The following DSCAM variants were observed in gnomAD, a reference collection of about 807,000 sequenced individuals.
The protein encoded by DSCAM is cell adhesion molecule DSCAM.
Under a neutral mutation model 217.7 loss-of-function variants are expected in DSCAM, and 47 were observed. The observed-to-expected ratio is 0.22, with a 90% CI of 0.17 to 0.28. The LOEUF (loss-of-function observed/expected upper bound fraction) is 0.28, where lower values mean the gene tolerates loss of function less well. Ranked by LOEUF, DSCAM falls within the 10% of genes least tolerant of loss-of-function variation. The pLI, the probability that DSCAM is intolerant of heterozygous loss-of-function variation, is 1.00. For missense variants in DSCAM, 2,080 were observed against 2,618.3 expected (o/e 0.79, Z 4.49); for synonymous variants, 1,056 against 1,015.3 (o/e 1.04, Z -0.76).
chr21:40,023,486 CA>C (rs1195184201), intron 32 of DSCAM, among the ~76,000 whole-genome samples: 2 of 147,920 alleles, frequency 1.4e-5, no homozygotes, highest in East Asian at 4.0e-4. Context: ...GTCCCACCAA[CA>C]GTGTAAAAGT....
At chr21:40,737,797 T>A (rs773637750) in intron 1 of DSCAM, among the ~76,000 whole-genome samples, 2 of 152,184 alleles carry the variant, frequency 1.3e-5, no homozygotes, top group Non-Finnish European at 2.9e-5. Context: ...ACATCCAGCA[T>A]CCAGCTGACC....
At chr21:40,641,893 C>G (rs945768366) in intron 3 of DSCAM, among the ~76,000 whole-genome samples, 11 of 151,868 alleles carry the variant, frequency 7.2e-5, no homozygotes, top group African/African-American at 2.7e-4. Flanking sequence ...ACTAAAAATA[C>G]AAAAATTAGC....
chr21:40,092,288 G>C (rs1004971458), intron 21 of DSCAM, among the ~76,000 whole-genome samples: 8 of 152,240 alleles, frequency 5.3e-5, no homozygotes, highest in African/African-American at 1.7e-4. Flanking sequence ...ATCACCATGT[G>C]GAACAGGCCA....
intron 3 of DSCAM, among the ~76,000 whole-genome samples, chr21:40,618,254 G>T (rs2089431100): frequency 6.6e-6 from 1 of 152,144 alleles, no homozygotes; most frequent in African/African-American, 2.4e-5. Flanking sequence ...AACGAAGAAG[G>T]AATAAATACA....
intron 11 of DSCAM, among the ~76,000 whole-genome samples, chr21:40,195,125 G>A (rs143913921): frequency 1.3e-5 from 2 of 152,166 alleles, no homozygotes; most frequent in South Asian, 2.1e-4. Flanking sequence ...GTCACTGTAC[G>A]TTTTGACAAG....
rs549934355 is a variant in DSCAM, at chr21:40,379,736, G to C, written c.509-10491C>G. Among the ~76,000 whole-genome samples the C allele has an allele frequency of 1.2e-4, 18 of 152,288 alleles. No individual in the cohort carries two copies. In the South Asian group the frequency reaches 3.1e-3, roughly 26 times the overall value. On this transcript the variant is annotated intron_variant, in intron 3 of 32. Transcript: ENST00000400454. ...CCTGCTGCCCCCAAAGGTTTGCACAGTGCTAAATTAAGTGACTGTTTAGAA... is the reference window on the plus strand; with the variant it reads ...CCTGCTGCCCCCAAAGGTTTGCACACTGCTAAATTAAGTGACTGTTTAGAA...
intron 3 of DSCAM, among the ~76,000 whole-genome samples, chr21:40,413,201 G>A (rs1385440182): frequency 6.6e-6 from 1 of 152,186 alleles, no homozygotes; most frequent in Non-Finnish European, 1.5e-5. Flanking sequence ...TGGGGTCAGA[G>A]TCCCCACACA....
intron 3 of DSCAM, among the ~76,000 whole-genome samples, chr21:40,420,931 G>A (rs1209044435): frequency 6.6e-6 from 1 of 152,154 alleles, no homozygotes; most frequent in Non-Finnish European, 1.5e-5. Context: ...GGGAGATGAT[G>A]CATTTCTTTC....
At chr21:40,206,333 G>A (rs976260829) in intron 11 of DSCAM, among the ~76,000 whole-genome samples, 5 of 152,200 alleles carry the variant, frequency 3.3e-5, no homozygotes, top group Non-Finnish European at 7.4e-5. Flanking sequence ...CAAGGAGGCA[G>A]CTCTGGGTAG....
chr21:40,811,938 T>C (rs1226639266), intron 1 of DSCAM, among the ~76,000 whole-genome samples: 1 of 152,214 alleles, frequency 6.6e-6, no homozygotes, highest in Non-Finnish European at 1.5e-5. Context: ...TCTCACTATG[T>C]TCTCCAATTG....
intron 30 of DSCAM, among the ~76,000 whole-genome samples, chr21:40,048,670 A>C (rs1287073066): frequency 6.6e-6 from 1 of 152,240 alleles, no homozygotes; most frequent in African/African-American, 2.4e-5. Context: ...CAGTCCTAAC[A>C]TACAAAATAG....
rs1464473256 is a variant in DSCAM, at chr21:40,339,162, G to A, written c.1464C>T (p.Asn488=). The change falls in exon 7 of 33, where the codon AAC becomes AAT. Residue 488 remains asparagine (N), a synonymous_variant. Coordinates refer to ENST00000400454, the MANE Select transcript of DSCAM (RefSeq NM_001389.5). ...CCTGGTACAGGACGACTCCCGCCGA[G>A]TTGTTGGCAGTGCAGCGGTAGACTC... ...DGGVYRCTAN[N]SAGVVLYQAR... 6.2e-7 allele frequency: 1 copy of A among 1,614,206 alleles called. No homozygotes were observed. Among genetic ancestry groups the A allele is most frequent in the East Asian group, 2.2e-5 (1 of 44,880 alleles).
intron 3 of DSCAM, among the ~76,000 whole-genome samples, chr21:40,533,398 G>A (rs1006781262): frequency 6.6e-6 from 1 of 150,750 alleles, no homozygotes; most frequent in African/African-American, 2.5e-5. Context: ...TATAAGCATT[G>A]TTAAAGGAAA....
chr21:40,827,483 A>AAAAAAAAAAAG (rs1569056712), intron 1 of DSCAM, among the ~76,000 whole-genome samples: 10 of 133,466 alleles, frequency 7.5e-5, no homozygotes, highest in African/African-American at 8.5e-5. Context: ...AAAAAAAAAA[A>AAAAAAAAAAAG]AAAGAAAAGA....
At chr21:40,636,084 C>T (rs1043177569) in intron 3 of DSCAM, among the ~76,000 whole-genome samples, 1 of 152,102 alleles carries the variant, frequency 6.6e-6, no homozygotes, top group Non-Finnish European at 1.5e-5. Context: ...CTGGGTAACT[C>T]GAGATAGATT....
At chr21:40,131,258 C>T (rs964520106) in intron 19 of DSCAM, among the ~76,000 whole-genome samples, 2 of 152,146 alleles carry the variant, frequency 1.3e-5, no homozygotes, top group East Asian at 3.9e-4. Flanking sequence ...AATAAAATAG[C>T]ATTTAATTCT....
chr21:40,784,125 T>C (rs932012494), intron 1 of DSCAM, among the ~76,000 whole-genome samples: 1 of 151,676 alleles, frequency 6.6e-6, no homozygotes, highest in Non-Finnish European at 1.5e-5. Context: ...TTAGAGAATA[T>C]ACAAAAACAT....
intron 18 of DSCAM, among the ~76,000 whole-genome samples, chr21:40,134,983 C>T (rs2090192182): frequency 1.3e-5 from 2 of 152,172 alleles, no homozygotes; most frequent in South Asian, 4.1e-4. Flanking sequence ...CAACTAATAA[C>T]ATTCACAGAT....
At chr21:40,215,765 C>T (rs1180368475) in intron 11 of DSCAM, among the ~76,000 whole-genome samples, 1 of 151,902 alleles carries the variant, frequency 6.6e-6, no homozygotes, top group African/African-American at 2.4e-5. Context: ...ATCCACGTAA[C>T]CAAAAACCAC....
Sources: gnomAD v4.1 joint callset for allele counts (sites outside exome capture counted in the v4.1 genomes callset) on GRCh38, gnomAD v4.1.1 for gene constraint, MANE v1.5 for transcripts, NCBI Gene and HGNC (gene_info 2026-07-23, HGNC 2026-07-21) for gene names.